Variants in TSSK1B observed in about 807,000 individuals in gnomAD.
TSSK1B encodes the protein testis-specific serine/threonine-protein kinase 1.
Under a neutral mutation model 4.0 loss-of-function variants are expected in TSSK1B, and 2 were observed. The ratio of observed to expected loss-of-function variants is 0.50; its 90% CI spans 0.20 to 1.57. TSSK1B has a LOEUF of 1.57. Ranked by LOEUF, TSSK1B falls within the 40% of genes most tolerant of loss-of-function variation. The pLI, the probability that TSSK1B is intolerant of heterozygous loss-of-function variation, is 0.22. For missense variants in TSSK1B, 488 were observed against 495.1 expected (o/e 0.99, Z 0.14); for synonymous variants, 198 against 200.7 (o/e 0.99, Z 0.11).
chr5:113,434,089 G>A lies in TSSK1B; in HGVS notation c.751C>T (p.His251Tyr), dbSNP rs1269358083. ...LTGECKDLIY[H>Y]MLQPDVNRRL... The stretch of plus-strand genomic sequence containing the variant: ...CGGTTGACGTCGGGCTGCAGCATGT[G>A]GTAGATGAGGTCCTTGCACTCGCCT... The change falls in exon 1 of 1, where the codon CAC becomes TAC. Residue 251 changes from histidine (H) to tyrosine (Y), a missense_variant. Coordinates refer to ENST00000390666, the MANE Select transcript of TSSK1B (RefSeq NM_032028.4). The surrounding 1 kb of genome is among the most constrained non-coding windows in gnomAD (Gnocchi z 4.2). 2 of 1,614,200 alleles carry A rather than the reference G, an allele frequency of 1.2e-6. No individual in the cohort carries two copies. The highest frequency in any genetic ancestry group is 1.7e-6 in the Non-Finnish European group (2 of 1,180,002).
At position 113,433,656 on chromosome 5, in the gene TSSK1B, T is replaced by C. The variant is rs942728565; in HGVS notation, c.*80A>G. ...GAGGCTCATCTGGGACTGCCTTCCT[T>C]CTCTGGCTCCACCCTTGACTTCTTC... On this transcript the variant is annotated 3_prime_UTR_variant, in exon 1 of 1. Coordinates refer to ENST00000390666, the MANE Select transcript of TSSK1B (RefSeq NM_032028.4). 1.8e-5 allele frequency: 27 copies of C among 1,494,782 alleles called. No homozygotes were observed. In the South Asian group the frequency reaches 3.6e-4, roughly 20 times the overall value. 92.6% of individuals were successfully genotyped at this position (1,494,782 alleles called of 1,614,324 possible).
chr5:113,434,079 T>G lies in TSSK1B; in HGVS notation c.761A>C (p.Gln254Pro), dbSNP rs200978152. The change falls in exon 1 of 1, where the codon CAG becomes CCG. Residue 254 changes from glutamine (Q) to proline (P), a missense_variant. Coordinates refer to ENST00000390666, the MANE Select transcript of TSSK1B (RefSeq NM_032028.4). This position sits in a 1 kb window ranked among gnomAD's most constrained non-coding sequence, Gnocchi z 4.2. ...ECKDLIYHML[Q>P]PDVNRRLHID... ...GTGGAGCCGCCGGTTGACGTCGGGC[T>G]GCAGCATGTGGTAGATGAGGTCCTT... is the stretch of plus-strand genomic sequence containing the variant. 7 of 1,614,186 alleles carry G rather than the reference T, an allele frequency of 4.3e-6. No individual in the cohort carries two copies. In the African/African-American group the frequency reaches 9.3e-5, roughly 22 times the overall value.
At position 113,434,240 on chromosome 5, in the gene TSSK1B, C is replaced by T; in HGVS notation, c.600G>A (p.Trp200Ter). 1.2e-6 allele frequency: 2 copies of T among 1,614,038 alleles called. No homozygotes were observed. The highest frequency in any genetic ancestry group is 1.7e-6 in the Non-Finnish European group (2 of 1,179,948). Residue 200 changes from tryptophan to a stop codon, truncating the protein, a stop_gained, in exon 1 of 1, where the codon TGG becomes TGA. Transcript: ENST00000390666. LOFTEE classifies it low-confidence loss of function (END_TRUNC). The surrounding 1 kb of genome is among the most constrained non-coding windows in gnomAD (Gnocchi z 4.2). ...TGATGTAGAGGATCACGCCTAGGCT[C>T]CAGATGTCGTACACCTTGGGCTGGT... ...IPYQPKVYDIWSLGVILYIMV... is the reference protein window; with the variant it reads ...IPYQPKVYDI
chr5:113,434,066 G>C lies in TSSK1B; in HGVS notation c.774C>G (p.Asn258Lys). The change falls in exon 1 of 1, where the codon AAC becomes AAG. Residue 258 changes from asparagine to lysine, a missense_variant. Transcript: ENST00000390666. The surrounding 1 kb of genome is among the most constrained non-coding windows in gnomAD (Gnocchi z 4.2). ...GGATCTCGTCGATGTGGAGCCGCCGGTTGACGTCGGGCTGCAGCATGTGGT... is the reference window on the plus strand; with the variant it reads ...GGATCTCGTCGATGTGGAGCCGCCGCTTGACGTCGGGCTGCAGCATGTGGT... ...LIYHMLQPDV[N>K]RRLHIDEILS... The C allele has an allele frequency of 6.2e-7, 1 of 1,614,166 alleles. No individual in the cohort carries two copies. Among genetic ancestry groups the C allele is most frequent in the Non-Finnish European group, 8.5e-7 (1 of 1,179,978 alleles).
rs756692400 is a variant in TSSK1B at position 113,434,163 on chromosome 5, C to T, written c.677G>A (p.Arg226His). 63 of 1,614,040 alleles carry T rather than the reference C, an allele frequency of 3.9e-5. No homozygotes were observed. The highest frequency in any genetic ancestry group is 8.8e-5 in the South Asian group (8 of 91,086). Reference protein sequence around the residue: ...YDDSNIKKMLRIQKEHRVNFP... With the variant: ...YDDSNIKKMLHIQKEHRVNFP... Reference sequence around the variant, plus strand: ...GTTGACGCGGTGCTCCTTCTGGATACGCAGCATCTTCTTGATGTTGGAGTC... The same window carrying T: ...GTTGACGCGGTGCTCCTTCTGGATATGCAGCATCTTCTTGATGTTGGAGTC... The change falls in exon 1 of 1, where the codon CGT becomes CAT. Residue 226 changes from arginine (R) to histidine (H), a missense_variant. Physicochemically the swap from Arg to His is conservative, Grantham distance 29. Coordinates refer to ENST00000390666, the MANE Select transcript of TSSK1B (RefSeq NM_032028.4). This position sits in a 1 kb window ranked among gnomAD's most constrained non-coding sequence, Gnocchi z 4.2.
Position 113,434,099 on chromosome 5 carries a change from G to C in TSSK1B, c.741C>G (p.Asp247Glu), listed in dbSNP as rs769662141. ...RSKHLTGECK[D>E]LIYHMLQPDV... Reference sequence around the variant, plus strand: ...CGGGCTGCAGCATGTGGTAGATGAGGTCCTTGCACTCGCCTGTCAGGTGCT... The same window carrying C: ...CGGGCTGCAGCATGTGGTAGATGAGCTCCTTGCACTCGCCTGTCAGGTGCT... Residue 247 changes from aspartate to glutamate, a missense_variant, in exon 1 of 1, where the codon GAC (aspartate) becomes GAG (glutamate). By Grantham distance (45) the Asp-to-Glu change is conservative. Coordinates refer to ENST00000390666, the MANE Select transcript of TSSK1B (RefSeq NM_032028.4). This position sits in a 1 kb window ranked among gnomAD's most constrained non-coding sequence, Gnocchi z 4.2. The C allele has an allele frequency of 1.9e-6, 3 of 1,614,224 alleles. No homozygotes were observed. The East Asian group carries it at 6.7e-5, about 36-fold the overall frequency.
chr5:113,434,515 G>T lies in TSSK1B; in HGVS notation c.325C>A (p.His109Asn). Residue 109 changes from histidine to asparagine, a missense_variant, in exon 1 of 1, where the codon CAT becomes AAT. His to Asn is a moderately conservative substitution (Grantham distance 68, BLOSUM62 1). Transcript: ENST00000390666. The surrounding 1 kb of genome is among the most constrained non-coding windows in gnomAD (Gnocchi z 4.2). Reference sequence around the variant, plus strand: ...AACTTCTTGCGAGCTTCGTCCTCATGCAGGGCTCCCCGGGTTTTGATTAAC... The same window carrying T: ...AACTTCTTGCGAGCTTCGTCCTCATTCAGGGCTCCCCGGGTTTTGATTAAC... ...LELIKTRGAL[H>N]EDEARKKFHQ... is the part of the protein sequence containing the mutation. 1.2e-6 allele frequency: 2 copies of T among 1,612,896 alleles called. No homozygotes were observed. The highest frequency in any genetic ancestry group is 1.7e-6 in the Non-Finnish European group (2 of 1,179,012).
chr5:113,434,214 A>G lies in TSSK1B; in HGVS notation c.626T>C (p.Met209Thr), dbSNP rs2150412564. 8 of 1,614,030 alleles carry G rather than the reference A, an allele frequency of 5.0e-6. No individual in the cohort carries two copies. The highest frequency in any genetic ancestry group is 5.1e-6 in the Non-Finnish European group (6 of 1,179,962). ...IWSLGVILYIMVCGSMPYDDS... is the reference protein window; with the variant it reads ...IWSLGVILYITVCGSMPYDDS... ...GTCGTAGGGCATGGAGCCGCAGACC[A>G]TGATGTAGAGGATCACGCCTAGGCT... Residue 209 changes from methionine to threonine, a missense_variant, in exon 1 of 1, where the codon ATG (methionine) becomes ACG (threonine). By Grantham distance (81) the Met-to-Thr change is moderately conservative (BLOSUM62 -1). Transcript: ENST00000390666. The surrounding 1 kb of genome is among the most constrained non-coding windows in gnomAD (Gnocchi z 4.2).
Position 113,434,403 on chromosome 5 carries a change from T to C in TSSK1B, c.437A>G (p.Lys146Arg). 6.2e-7 allele frequency: 1 copy of C among 1,613,738 alleles called. No homozygotes were observed. The highest frequency in any genetic ancestry group is 8.5e-7 in the Non-Finnish European group (1 of 1,179,936). ...GTCGGACAGCTTGATGTTGAAGTCC[T>C]TGTCAAGGAGAAGGTTGTCACACTT... ...DLKCDNLLLD[K>R]DFNIKLSDFS... is the part of the protein sequence containing the mutation. The change falls in exon 1 of 1, where the codon AAG becomes AGG. Residue 146 changes from lysine (K) to arginine (R), a missense_variant. Lys to Arg is a conservative substitution (Grantham distance 26). Coordinates refer to ENST00000390666, the MANE Select transcript of TSSK1B (RefSeq NM_032028.4). This position sits in a 1 kb window ranked among gnomAD's most constrained non-coding sequence, Gnocchi z 4.2.
At position 113,434,111 on chromosome 5, in the gene TSSK1B, G is replaced by C. The variant is rs1432367459; in HGVS notation, c.729C>G (p.Gly243=). ...VNFPRSKHLT[G]ECKDLIYHML... is the part of the protein sequence containing the mutation. The stretch of plus-strand genomic sequence containing the variant: ...TGTGGTAGATGAGGTCCTTGCACTC[G>C]CCTGTCAGGTGCTTGGAGCGTGGGA... Residue 243 remains glycine (G), a synonymous_variant, in exon 1 of 1, where the codon GGC becomes GGG. Transcript: ENST00000390666. This position sits in a 1 kb window ranked among gnomAD's most constrained non-coding sequence, Gnocchi z 4.2. The C allele has an allele frequency of 6.2e-7, 1 of 1,614,098 alleles. No individual in the cohort carries two copies. Among genetic ancestry groups the C allele is most frequent in the South Asian group, 1.1e-5 (1 of 91,090 alleles).
At position 113,434,151 on chromosome 5, in the gene TSSK1B, T is replaced by A. The variant is rs1424085044; in HGVS notation, c.689A>T (p.Glu230Val). ...NIKKMLRIQK[E>V]HRVNFPRSKH... The stretch of plus-strand genomic sequence containing the variant: ...GGAGCGTGGGAAGTTGACGCGGTGC[T>A]CCTTCTGGATACGCAGCATCTTCTT... Residue 230 changes from glutamate (E) to valine (V), a missense_variant, in exon 1 of 1, where the codon GAG becomes GTG. Transcript: ENST00000390666. The surrounding 1 kb of genome is among the most constrained non-coding windows in gnomAD (Gnocchi z 4.2). 1.9e-6 allele frequency: 3 copies of A among 1,614,044 alleles called. No individual in the cohort carries two copies. In the African/African-American group the frequency reaches 4.0e-5, roughly 22 times the overall value.
chr5:113,434,500 G>T lies in TSSK1B; in HGVS notation c.340C>A (p.Arg114Ser). The T allele has an allele frequency of 6.2e-7, 1 of 1,613,182 alleles. No individual in the cohort carries two copies. Among genetic ancestry groups the T allele is most frequent in the Non-Finnish European group, 8.5e-7 (1 of 1,179,344 alleles). The change falls in exon 1 of 1, where the codon CGC becomes AGC. Residue 114 changes from arginine (R) to serine (S), a missense_variant. Coordinates refer to ENST00000390666, the MANE Select transcript of TSSK1B (RefSeq NM_032028.4). This position sits in a 1 kb window ranked among gnomAD's most constrained non-coding sequence, Gnocchi z 4.2. ...TRGALHEDEA[R>S]KKFHQLSLAI... ...AAGGAAAGCTGGTGGAACTTCTTGCGAGCTTCGTCCTCATGCAGGGCTCCC... is the reference window on the plus strand; with the variant it reads ...AAGGAAAGCTGGTGGAACTTCTTGCTAGCTTCGTCCTCATGCAGGGCTCCC...
At position 113,434,717 on chromosome 5, in the gene TSSK1B, C is replaced by G; in HGVS notation, c.123G>C (p.Lys41Asn). The G allele has an allele frequency of 6.2e-7, 1 of 1,614,126 alleles. No homozygotes were observed. The change falls in exon 1 of 1, where the codon AAG (lysine) becomes AAC (asparagine). Residue 41 changes from lysine to asparagine, a missense_variant. Physicochemically the swap from Lys to Asn is moderately conservative, Grantham distance 94. Transcript: ENST00000390666. This position sits in a 1 kb window ranked among gnomAD's most constrained non-coding sequence, Gnocchi z 4.2. ...SERLKFNVAIKIIDRKKAPAD... is the reference protein window; with the variant it reads ...SERLKFNVAINIIDRKKAPAD... ...CGGGGGCCTTCTTGCGGTCGATGAT[C>G]TTGATCGCCACATTGAACTTCAGGC...
Position 113,433,342 on chromosome 5 carries a change from A to C in TSSK1B, c.*394T>G. ...GTCTGGCCTCCCAGCAGGGTCACGC[A>C]ACTGCCCCGGGGACGATGAAAGGAG... On this transcript the variant is annotated 3_prime_UTR_variant, in exon 1 of 1. Transcript: ENST00000390666. 5.6e-6 allele frequency: 2 copies of C among 357,730 alleles called. No homozygotes were observed. Among genetic ancestry groups the C allele is most frequent in the Non-Finnish European group, 1.1e-5 (2 of 181,820 alleles). The allele number at this position is 357,730 out of a possible 1,614,324, so 22.2% of individuals were successfully genotyped here. A position where few individuals can be genotyped will look rare whatever the true frequency, so the allele number is the denominator to read the frequency against.
At position 113,433,822 on chromosome 5, in the gene TSSK1B, C is replaced by G. The variant is rs778324817; in HGVS notation, c.1018G>C (p.Glu340Gln). ...GTAMQMSRQSEILGFPSKPST... is the reference protein window; with the variant it reads ...GTAMQMSRQSQILGFPSKPST... ...GGCTTGCTGGGGAAACCCAGGATCT[C>G]CGACTGCCTGGACATTTGCATTGCT... Residue 340 changes from glutamate (E) to glutamine (Q), a missense_variant, in exon 1 of 1, where the codon GAG (glutamate) becomes CAG (glutamine). Transcript: ENST00000390666. 1.9e-6 allele frequency: 3 copies of G among 1,613,866 alleles called. No individual in the cohort carries two copies. Among genetic ancestry groups the G allele is most frequent in the Non-Finnish European group, 2.5e-6 (3 of 1,179,878 alleles).
rs1390920172 is a variant in TSSK1B at position 113,433,845 on chromosome 5, G to A, written c.995C>T (p.Ala332Val). The A allele has an allele frequency of 6.2e-7, 1 of 1,613,906 alleles. No individual in the cohort carries two copies. Among genetic ancestry groups the A allele is most frequent in the African/African-American group, 1.3e-5 (1 of 74,946 alleles). Reference protein sequence around the residue: ...AQPETKPEGTAMQMSRQSEIL... With the variant: ...AQPETKPEGTVMQMSRQSEIL... ...CTCCGACTGCCTGGACATTTGCATT[G>A]CTGTCCCCTCGGGTTTTGTCTCAGG... The change falls in exon 1 of 1, where the codon GCA becomes GTA. Residue 332 changes from alanine to valine, a missense_variant. Physicochemically the swap from Ala to Val is moderately conservative, Grantham distance 64 (BLOSUM62 0). Transcript: ENST00000390666.
In TSSK1B at chr5:113,434,273, G is replaced by A; in HGVS notation, c.567C>T (p.Gly189=). 1 of 1,614,196 alleles carries A rather than the reference G, an allele frequency of 6.2e-7. No homozygotes were observed. The highest frequency in any genetic ancestry group is 8.5e-7 in the Non-Finnish European group (1 of 1,180,026). The change falls in exon 1 of 1, where the codon GGC becomes GGT. Residue 189 remains glycine, a synonymous_variant. Transcript: ENST00000390666. This position sits in a 1 kb window ranked among gnomAD's most constrained non-coding sequence, Gnocchi z 4.2. The part of the protein sequence containing the change: ...PAYAAPEVLQ[G]IPYQPKVYDI... ...CGTACACCTTGGGCTGGTAGGGAAT[G>A]CCCTGCAGCACCTCTGGGGCCGCAT...
rs765292079 is a variant in TSSK1B, at chr5:113,434,612, G to A, written c.228C>T (p.Tyr76=). The A allele has an allele frequency of 7.4e-6, 12 of 1,613,856 alleles. No individual in the cohort carries two copies. Among genetic ancestry groups the A allele is most frequent in the African/African-American group, 6.7e-5 (5 of 74,920 alleles). Residue 76 remains tyrosine (Y), a synonymous_variant, in exon 1 of 1, where the codon TAC becomes TAT. Coordinates refer to ENST00000390666, the MANE Select transcript of TSSK1B (RefSeq NM_032028.4). This position sits in a 1 kb window ranked among gnomAD's most constrained non-coding sequence, Gnocchi z 4.2. ...MLNHCSIIKT[Y]EIFETSHGKV... Reference sequence around the variant, plus strand: ...TGCCATGTGATGTCTCAAAGATCTCGTAGGTCTTAATGATGGAGCAGTGGT... The same window carrying A: ...TGCCATGTGATGTCTCAAAGATCTCATAGGTCTTAATGATGGAGCAGTGGT...
At position 113,433,904 on chromosome 5, in the gene TSSK1B, C is replaced by A; in HGVS notation, c.936G>T (p.Leu312=). 1 of 1,613,978 alleles carries A rather than the reference C, an allele frequency of 6.2e-7. No homozygotes were observed. Among genetic ancestry groups the A allele is most frequent in the Non-Finnish European group, 8.5e-7 (1 of 1,179,880 alleles). The part of the protein sequence containing the change: ...PGSDKKSATK[L]EPEGEAQPQA... Reference sequence around the variant, plus strand: ...GGGGCTGTGCCTCTCCCTCAGGCTCCAGCTTGGTGGCAGACTTCTTGTCAG... The same window carrying A: ...GGGGCTGTGCCTCTCCCTCAGGCTCAAGCTTGGTGGCAGACTTCTTGTCAG... The change falls in exon 1 of 1, where the codon CTG becomes CTT. Residue 312 remains leucine, a synonymous_variant. Coordinates refer to ENST00000390666, the MANE Select transcript of TSSK1B (RefSeq NM_032028.4).
Sources: gnomAD v4.1 joint callset for allele counts on GRCh38, gnomAD v4.1.1 for gene constraint, Gnocchi (gnomAD v3.1) non-coding constraint, MANE v1.5 for transcripts, NCBI Gene and HGNC (gene_info 2026-07-23, HGNC 2026-07-21) for gene names.